PCDHGB5: variants seen among roughly 807,000 people sequenced by gnomAD.
PCDHGB5 encodes the protein protocadherin gamma subfamily B, 5.
Under a neutral mutation model 62.9 loss-of-function variants are expected in PCDHGB5, and 48 were observed. That is an observed-to-expected ratio of 0.76 (90% CI 0.61 to 0.97). The LOEUF (loss-of-function observed/expected upper bound fraction) is 0.97. Ranked by LOEUF, PCDHGB5 falls within the 50% of genes least tolerant of loss-of-function variation. The probability of loss-of-function intolerance (pLI) is 0.00; values close to 1 mark genes in which losing one functional copy is unlikely to be tolerated. For missense variants in PCDHGB5, 1,118 were observed against 1,198.6 expected (o/e 0.93, Z 0.99); for synonymous variants, 474 against 511.2 (o/e 0.93, Z 0.98).
At chr5:141,439,631 A>G (rs1459977985) in intron 1 of PCDHGB5, among the ~76,000 whole-genome samples, 2 of 152,214 alleles carry the variant, frequency 1.3e-5, no homozygotes, top group African/African-American at 2.4e-5. Context: ...ATCCCCAGAC[A>G]TTCCGGCTTG....
rs770419617 is a variant in PCDHGB5, at chr5:141,421,523, C to T, written c.2397+20999C>T. The T allele has an allele frequency of 2.5e-6, 4 of 1,614,034 alleles. No homozygotes were observed. In the Admixed American group the frequency reaches 5.0e-5, roughly 20 times the overall value. ...ATAGACCGGGAGGAGCTCTGTGAGA[C>T]GGTGTCCTCCTGTTTTTTAAATATG... On this transcript the variant is annotated intron_variant, in intron 1 of 3. Transcript: ENST00000617380.
chr5:141,486,987 G>C lies in PCDHGB5; in HGVS notation c.2398-7820G>C, dbSNP rs1327158531. ...GACTTGGATTCAGGTTACAATGCTTGGGTTTCCTATCAGCTCCTGGAGGCC... is the reference window on the plus strand; with the variant it reads ...GACTTGGATTCAGGTTACAATGCTTCGGTTTCCTATCAGCTCCTGGAGGCC... On this transcript the variant is annotated intron_variant, in intron 1 of 3. Transcript: ENST00000617380. The surrounding 1 kb of genome is among the most constrained non-coding windows in gnomAD (Gnocchi z 5.0). The C allele has an allele frequency of 6.2e-7, 1 of 1,614,144 alleles. No homozygotes were observed. Among genetic ancestry groups the C allele is most frequent in the Admixed American group, 1.7e-5 (1 of 60,020 alleles).
chr5:141,427,087 A>T, intron 1 of PCDHGB5: 1 of 458,198 alleles, frequency 2.2e-6, no homozygotes, highest in Non-Finnish European at 4.4e-6. Flanking sequence ...ACTGACCAGG[A>T]TGAGGGTGTC....
intron 2 of PCDHGB5, among the ~76,000 whole-genome samples, chr5:141,502,845 T>G (rs2099816267): frequency 6.8e-6 from 1 of 147,606 alleles, no homozygotes; most frequent in South Asian, 2.1e-4. Context: ...CTGGCTGAGC[T>G]GCCTAACCCT....
chr5:141,436,414 A>G (rs1459862288), intron 1 of PCDHGB5, among the ~76,000 whole-genome samples: 1 of 152,234 alleles, frequency 6.6e-6, no homozygotes, highest in East Asian at 1.9e-4. Flanking sequence ...ATGAATGGAT[A>G]AACAAATAAT....
Position 141,422,340 on chromosome 5 carries a change from T to C in PCDHGB5, c.2397+21816T>C, listed in dbSNP as rs776306472. ...CAGGTACAGTGATTGCTCTTCTAAA[T>C]GTGCAAGATCAAGATTCTGGAGAAA... On this transcript the variant is annotated intron_variant, in intron 1 of 3. Transcript: ENST00000617380. 2.6e-6 allele frequency: 4 copies of C among 1,550,190 alleles called. 1 individual carries two copies. Among genetic ancestry groups the C allele is most frequent in the Non-Finnish European group, 3.5e-6 (4 of 1,154,238 alleles).
In PCDHGB5 at chr5:141,489,210, G is replaced by A; in HGVS notation, c.2398-5597G>A. ...TCTACCTTGGAGACAGGACAGCACAGACTTACTCTCCACAAAGGGACTTCT... is the reference window on the plus strand; with the variant it reads ...TCTACCTTGGAGACAGGACAGCACAAACTTACTCTCCACAAAGGGACTTCT... On this transcript the variant is annotated intron_variant, in intron 1 of 3. Coordinates refer to ENST00000617380, the MANE Select transcript of PCDHGB5 (RefSeq NM_018925.3). The surrounding 1 kb of genome is among the most constrained non-coding windows in gnomAD (Gnocchi z 4.5). 6 of 1,461,860 alleles carry A rather than the reference G, an allele frequency of 4.1e-6. No homozygotes were observed. Among genetic ancestry groups the A allele is most frequent in the Non-Finnish European group, 5.6e-6 (6 of 1,080,904 alleles). 90.6% of individuals were successfully genotyped at this position (1,461,860 alleles called of 1,614,324 possible). A position where few individuals can be genotyped will look rare whatever the true frequency, so the allele number is the denominator to read the frequency against.
In PCDHGB5 at chr5:141,419,578, G is replaced by A. The variant is rs1339676992; in HGVS notation, c.2397+19054G>A. The A allele has an allele frequency of 1.9e-6, 3 of 1,611,604 alleles. No individual in the cohort carries two copies. In the Admixed American group the frequency reaches 5.0e-5, roughly 27 times the overall value. On this transcript the variant is annotated intron_variant, in intron 1 of 3. Transcript: ENST00000617380. ...CTGCGCTGGGTCCCGACGGCTCCGC[G>A]CTCTTCGACACAGTGCCGCGGGCCG...
chr5:141,433,878 T>C (rs774226497), intron 1 of PCDHGB5, among the ~76,000 whole-genome samples: 15 of 151,848 alleles, frequency 9.9e-5, no homozygotes, highest in Non-Finnish European at 1.5e-4. Flanking sequence ...GTTTCATCCA[T>C]TGATGACACT....
At position 141,477,626 on chromosome 5, in the gene PCDHGB5, G is replaced by A. The variant is rs201987467; in HGVS notation, c.2398-17181G>A. The A allele has an allele frequency of 1.9e-5, 31 of 1,614,052 alleles. No individual in the cohort carries two copies. The highest frequency in any genetic ancestry group is 2.5e-5 in the Non-Finnish European group (30 of 1,180,044). Reference sequence around the variant, plus strand: ...TCTCTTGGAGCAAGGAGCTGAAACCGGGCTAGTGGGTCGCTATTTCACAAT... The same window carrying A: ...TCTCTTGGAGCAAGGAGCTGAAACCAGGCTAGTGGGTCGCTATTTCACAAT... On this transcript the variant is annotated intron_variant, in intron 1 of 3. Transcript: ENST00000617380. This position sits in a 1 kb window ranked among gnomAD's most constrained non-coding sequence, Gnocchi z 4.9.
chr5:141,481,208 A>G lies in PCDHGB5; in HGVS notation c.2398-13599A>G, dbSNP rs116577118. On this transcript the variant is annotated intron_variant, in intron 1 of 3. Coordinates refer to ENST00000617380, the MANE Select transcript of PCDHGB5 (RefSeq NM_018925.3). ...GCCAGGCCCAATTTTTTTAAAAAACATGGTAAGGTCTCCCAGCCTTAAAGT... is the reference window on the plus strand; with the variant it reads ...GCCAGGCCCAATTTTTTTAAAAAACGTGGTAAGGTCTCCCAGCCTTAAAGT... 3.5e-3 allele frequency among the ~76,000 whole-genome samples: 528 copies of G among 152,350 alleles called. 2 individuals carry two copies. Among genetic ancestry groups the G allele is most frequent in the African/African-American group, 0.012 (490 of 41,572 alleles).
At chr5:141,458,496 A>G (rs905073741) in intron 1 of PCDHGB5, among the ~76,000 whole-genome samples, 1 of 151,694 alleles carries the variant, frequency 6.6e-6, no homozygotes, top group Non-Finnish European at 1.5e-5. Flanking sequence ...CTGCCTGTAC[A>G]TACTGTTTGA....
At chr5:141,425,209 A>ATCAT (rs1368049572) in intron 1 of PCDHGB5, among the ~76,000 whole-genome samples, 2 of 152,180 alleles carry the variant, frequency 1.3e-5, no homozygotes, top group Admixed American at 1.3e-4. Flanking sequence ...GATGTAAGGC[A>ATCAT]TTGTACTTTG....
chr5:141,423,758 G>C lies in PCDHGB5; in HGVS notation c.2397+23234G>C, dbSNP rs1192987646. 54 of 366,760 alleles carry C rather than the reference G, an allele frequency of 1.5e-4. 3 individuals carry two copies. The highest frequency in any genetic ancestry group is 1.4e-4 in the Non-Finnish European group (36 of 259,732). 22.7% of individuals were successfully genotyped at this position (366,760 alleles called of 1,614,324 possible). A position where few individuals can be genotyped will look rare whatever the true frequency, so the allele number is the denominator to read the frequency against. Reference sequence around the variant, plus strand: ...CTGTTATGAAAACTGTTTGGGGGGGGGGTGGGGCGGCATATATTTAGTTCA... The same window carrying C: ...CTGTTATGAAAACTGTTTGGGGGGGCGGTGGGGCGGCATATATTTAGTTCA... On this transcript the variant is annotated intron_variant, in intron 1 of 3. Transcript: ENST00000617380.
chr5:141,439,013 A>T lies in PCDHGB5; in HGVS notation c.2397+38489A>T, dbSNP rs2098082221. 1.3e-5 allele frequency among the ~76,000 whole-genome samples: 2 copies of T among 151,700 alleles called. 1 individual carries two copies. The highest frequency in any genetic ancestry group is 1.3e-4 in the Admixed American group (2 of 15,214). On this transcript the variant is annotated intron_variant, in intron 1 of 3. Transcript: ENST00000617380. ...GGCTAAGGACCTGGTTTGTTTGTCA[A>T]ATTTTGAAAATAGATGCCTCAGTTC...
chr5:141,477,634 G>C lies in PCDHGB5; in HGVS notation c.2398-17173G>C. 2 of 1,614,176 alleles carry C rather than the reference G, an allele frequency of 1.2e-6. No individual in the cohort carries two copies. Among genetic ancestry groups the C allele is most frequent in the Non-Finnish European group, 1.7e-6 (2 of 1,180,034 alleles). On this transcript the variant is annotated intron_variant, in intron 1 of 3. Transcript: ENST00000617380. This position sits in a 1 kb window ranked among gnomAD's most constrained non-coding sequence, Gnocchi z 4.9. Reference sequence around the variant, plus strand: ...AGCAAGGAGCTGAAACCGGGCTAGTGGGTCGCTATTTCACAATAAATCGTG... The same window carrying C: ...AGCAAGGAGCTGAAACCGGGCTAGTCGGTCGCTATTTCACAATAAATCGTG...
Position 141,398,854 on chromosome 5 carries a change from A to C in PCDHGB5, c.727A>C (p.Asn243His). 1 of 1,613,984 alleles carries C rather than the reference A, an allele frequency of 6.2e-7. No homozygotes were observed. Among genetic ancestry groups the C allele is most frequent in the Non-Finnish European group, 8.5e-7 (1 of 1,179,894 alleles). The change falls in exon 1 of 4, where the codon AAC (asparagine) becomes CAC (histidine). Residue 243 changes from asparagine to histidine, a missense_variant. By Grantham distance (68) the Asn-to-His change is moderately conservative. Around this residue, in one of 2 missense-constraint regions of PCDHGB5, gnomAD observed 1,034 missense variants for 1,029.1 expected, o/e 1.00. Coordinates refer to ENST00000617380, the MANE Select transcript of PCDHGB5 (RefSeq NM_018925.3). ...TDANDNPPVF[N>H]RDVYRVSLRE... ...CGCCAATGATAATCCCCCGGTATTC[A>C]ACCGAGACGTGTACAGAGTCAGCCT...
In PCDHGB5 at chr5:141,491,921, A is replaced by T; in HGVS notation, c.2398-2886A>T. ...CCGGGGGTGGTGGCGACTGTGGGCG[A>T]GGGGAGGTGGGACCGACCCCCACCC... On this transcript the variant is annotated intron_variant, in intron 1 of 3. Coordinates refer to ENST00000617380, the MANE Select transcript of PCDHGB5 (RefSeq NM_018925.3). The surrounding 1 kb of genome is among the most constrained non-coding windows in gnomAD (Gnocchi z 6.9). The T allele has an allele frequency of 1.5e-6, 2 of 1,353,738 alleles. No homozygotes were observed. Among genetic ancestry groups the T allele is most frequent in the Non-Finnish European group, 2.0e-6 (2 of 1,013,388 alleles). 83.9% of individuals were successfully genotyped at this position (1,353,738 alleles called of 1,614,324 possible). A position where few individuals can be genotyped will look rare whatever the true frequency, so the allele number is the denominator to read the frequency against.
intron 1 of PCDHGB5, chr5:141,421,220 A>T (rs1178268746): frequency 6.3e-7 from 1 of 1,575,620 alleles, no homozygotes; most frequent in East Asian, 2.3e-5. Context: ...ATCGGCTTAG[A>T]GCCTGCCATG....
Sources: gnomAD v4.1 joint callset for allele counts (sites outside exome capture counted in the v4.1 genomes callset) on GRCh38, gnomAD v4.1.1 for gene constraint, gnomAD v4.1.1 regional missense constraint, Gnocchi (gnomAD v3.1) non-coding constraint, MANE v1.5 for transcripts, NCBI Gene and HGNC (gene_info 2026-07-23, HGNC 2026-07-21) for gene names.